SLC16A10: variants seen among roughly 807,000 people sequenced by gnomAD.
SLC16A10 encodes the protein monocarboxylate transporter 10.
Under a neutral mutation model 40.0 loss-of-function variants are expected in SLC16A10, and 27 were observed. That is an observed-to-expected ratio of 0.67 (90% confidence interval 0.50 to 0.93). The LOEUF (loss-of-function observed/expected upper bound fraction) is 0.93. Ranked by LOEUF, SLC16A10 falls within the 40% of genes least tolerant of loss-of-function variation. SLC16A10 has a pLI of 0.00. For synonymous variants in SLC16A10, 213 were observed against 249.8 expected (o/e 0.85, Z 1.39); for missense variants, 529 against 658.2 (o/e 0.80, Z 2.15).
chr6:111,197,337 G>A (rs979743543), intron 3 of SLC16A10, among the ~76,000 whole-genome samples: 1 of 152,126 alleles, frequency 6.6e-6, no homozygotes, highest in Non-Finnish European at 1.5e-5. Flanking sequence ...AGAATTAAGG[G>A]AAAAATTAGG....
chr6:111,204,668 T>TA (rs1011136019), intron 3 of SLC16A10, among the ~76,000 whole-genome samples: 7 of 152,340 alleles, frequency 4.6e-5, no homozygotes, highest in African/African-American at 1.7e-4. Context: ...AAAGCAGGCC[T>TA]AATGCAGTTT....
chr6:111,155,257 A>C (rs1772247895), intron 1 of SLC16A10, among the ~76,000 whole-genome samples: 1 of 149,750 alleles, frequency 6.7e-6, no homozygotes, highest in Non-Finnish European at 1.5e-5. Flanking sequence ...GTTGGAGGGC[A>C]GTGGCATGAT....
At chr6:111,138,766 C>A (rs9400468) in intron 1 of SLC16A10, among the ~76,000 whole-genome samples, 124,791 of 152,056 alleles carry the variant, frequency 0.82, 51,355 homozygotes, top group Non-Finnish European at 0.86. Flanking sequence ...GACTACAGGC[C>A]TGCACCACTG....
At chr6:111,194,929 A>G (rs552075412) in intron 3 of SLC16A10, among the ~76,000 whole-genome samples, 1 of 152,238 alleles carries the variant, frequency 6.6e-6, no homozygotes, top group East Asian at 1.9e-4. Context: ...GCCCAGGATT[A>G]GGAATCACCT....
intron 1 of SLC16A10, among the ~76,000 whole-genome samples, chr6:111,101,116 G>GACCTCCTGGGCTCAAGTGATCCTCC (rs1164945630): frequency 1.3e-5 from 2 of 149,820 alleles, no homozygotes; most frequent in Non-Finnish European, 3.0e-5. Flanking sequence ...CTGCAGCCTC[G>GACCTCCTGGGCTCAAGTGATCCTCC]ACCTCCTGGG....
intron 1 of SLC16A10, among the ~76,000 whole-genome samples, chr6:111,121,629 C>T (rs1020672130): frequency 7.2e-5 from 11 of 152,170 alleles, no homozygotes; most frequent in Admixed American, 5.2e-4. Context: ...TGTTATTCTT[C>T]TATTTCCATT....
intron 1 of SLC16A10, among the ~76,000 whole-genome samples, chr6:111,160,695 G>A (rs942901199): frequency 5.3e-5 from 8 of 152,214 alleles, no homozygotes; most frequent in African/African-American, 1.9e-4. Flanking sequence ...AGGATGGGTG[G>A]AGAAGAATTT....
chr6:111,100,021 C>CA (rs56154710), intron 1 of SLC16A10, among the ~76,000 whole-genome samples: 17,196 of 112,354 alleles, frequency 0.15, 1,119 homozygotes, highest in Non-Finnish European at 0.17. Context: ...GACCCTGTCT[C>CA]AAAAAAAAAA....
At chr6:111,216,561 C>G (rs1562436322) in intron 4 of SLC16A10, among the ~76,000 whole-genome samples, 1 of 131,042 alleles carries the variant, frequency 7.6e-6, no homozygotes, top group Non-Finnish European at 1.6e-5. Flanking sequence ...CACCACCACG[C>G]CCGGCTAACT....
intron 4 of SLC16A10, among the ~76,000 whole-genome samples, chr6:111,211,565 T>G (rs1162184806): frequency 6.6e-6 from 1 of 152,202 alleles, no homozygotes; most frequent in Non-Finnish European, 1.5e-5. Context: ...GTCACAGGTG[T>G]GACAGCTGCA....
In SLC16A10 at chr6:111,220,620, C is replaced by T. The variant is rs80175159; in HGVS notation, c.1316-1383C>T. On this transcript the variant is annotated intron_variant, in intron 5 of 5. Coordinates refer to ENST00000368851, the MANE Select transcript of SLC16A10 (RefSeq NM_018593.5). ...CAGTTTAAGTTCAAAAGGTCATGGT[C>T]TCCTTATAGGAGAACCCTCCATTCC... 2.5e-4 allele frequency among the ~76,000 whole-genome samples: 38 copies of T among 152,324 alleles called. No homozygotes were observed. In the East Asian group the frequency reaches 7.3e-3, roughly 29 times the overall value.
chr6:111,145,072 A>G (rs545553725), intron 1 of SLC16A10, among the ~76,000 whole-genome samples: 19 of 152,138 alleles, frequency 1.2e-4, no homozygotes, highest in South Asian at 4.1e-4. Flanking sequence ...GGCTCAAGCA[A>G]TCCTCCATCT....
chr6:111,138,483 T>A (rs1005075245), intron 1 of SLC16A10, among the ~76,000 whole-genome samples: 7 of 152,244 alleles, frequency 4.6e-5, no homozygotes, highest in Non-Finnish European at 8.8e-5. Flanking sequence ...GCTCTACAAC[T>A]AACCAGCTCT....
intron 3 of SLC16A10, among the ~76,000 whole-genome samples, chr6:111,205,863 G>A (rs867624069): frequency 1.3e-5 from 2 of 152,152 alleles, no homozygotes; most frequent in African/African-American, 4.8e-5. Context: ...CGTTTCAGGG[G>A]TGTCAATTTG....
chr6:111,152,454 T>C (rs1772189590), intron 1 of SLC16A10, among the ~76,000 whole-genome samples: 1 of 152,254 alleles, frequency 6.6e-6, no homozygotes, highest in Admixed American at 6.5e-5. Context: ...TTAGGTTTTC[T>C]TTCAAATATT....
chr6:111,120,964 C>G (rs1190923826), intron 1 of SLC16A10, among the ~76,000 whole-genome samples: 1 of 152,022 alleles, frequency 6.6e-6, no homozygotes, highest in Non-Finnish European at 1.5e-5. Context: ...TTTTATAAGT[C>G]TGTGGGTAGA....
At chr6:111,105,150 G>A (rs1771261214) in intron 1 of SLC16A10, among the ~76,000 whole-genome samples, 1 of 152,056 alleles carries the variant, frequency 6.6e-6, no homozygotes, top group African/African-American at 2.4e-5. Flanking sequence ...TTATTTTTAA[G>A]ATGTTCTAGA....
Position 111,090,577 on chromosome 6 carries a change from TG to T in SLC16A10, c.343+2483del, listed in dbSNP as rs370977773. Reference sequence around the variant, plus strand: ...ACAAGATAGTCTTTAAGCCAGTTATTGTTGAGATCTCTCTCTCTTCCCCTGT... The same window carrying T: ...ACAAGATAGTCTTTAAGCCAGTTATTTTGAGATCTCTCTCTCTTCCCCTGT... On this transcript the variant is annotated intron_variant, in intron 1 of 5. Coordinates refer to ENST00000368851, the MANE Select transcript of SLC16A10 (RefSeq NM_018593.5). 2.2e-3 allele frequency among the ~76,000 whole-genome samples: 333 copies of T among 152,332 alleles called. 2 individuals are homozygous for T. Among genetic ancestry groups the T allele is most frequent in the African/African-American group, 7.9e-3 (327 of 41,574 alleles).
At chr6:111,148,834 C>T (rs778020080) in intron 1 of SLC16A10, among the ~76,000 whole-genome samples, 1 of 152,152 alleles carries the variant, frequency 6.6e-6, no homozygotes, top group African/African-American at 2.4e-5. Flanking sequence ...TCAGGCCAGG[C>T]GTGGTGACTC....
Sources: gnomAD v4.1 joint callset for allele counts (sites outside exome capture counted in the v4.1 genomes callset) on GRCh38, gnomAD v4.1.1 for gene constraint, MANE v1.5 for transcripts, NCBI Gene and HGNC (gene_info 2026-07-23, HGNC 2026-07-21) for gene names.